Variants in SYT12 observed in about 807,000 individuals in gnomAD.
SYT12 encodes synaptotagmin 12, also known as synaptotagmin-12.
Under a neutral mutation model 39.5 loss-of-function variants are expected in SYT12, and 27 were observed. That is an observed-to-expected ratio of 0.68 (90% CI 0.50 to 0.94). The LOEUF (loss-of-function observed/expected upper bound fraction) is 0.94, where lower values mean the gene tolerates loss of function less well. Ranked by LOEUF, SYT12 falls within the 40% of genes least tolerant of loss-of-function variation. The pLI, the probability that SYT12 is intolerant of heterozygous loss-of-function variation, is 0.00. For synonymous variants in SYT12, 233 were observed against 239.7 expected (o/e 0.97, Z 0.26); for missense variants, 536 against 572.6 (o/e 0.94, Z 0.65).
chr11:67,022,439 C>T (rs1302361880), upstream of SYT12, among the ~76,000 whole-genome samples: 1 of 152,202 alleles, frequency 6.6e-6, no homozygotes, highest in Non-Finnish European at 1.5e-5. Context: ...CACCCAGCCC[C>T]TCCCAGTGCA....
chr11:67,045,539 C>G, intron 6 of SYT12: 1 of 711,532 alleles, frequency 1.4e-6, no homozygotes. Flanking sequence ...GAGCACAAAG[C>G]CCAGCCCTCA....
chr11:67,048,538 C>G, intron 7 of SYT12, 46 bp from the exon 8 acceptor site: 1 of 1,575,320 alleles, frequency 6.3e-7, no homozygotes, highest in Non-Finnish European at 8.7e-7. Context: ...CAAGAAGTAC[C>G]TCTGACTGCC....
intron 3 of SYT12, among the ~76,000 whole-genome samples, chr11:67,017,654 C>T (rs1249084441): frequency 6.6e-6 from 1 of 151,646 alleles, no homozygotes; most frequent in African/African-American, 2.4e-5. Context: ...GCCACCTCGC[C>T]CAGCCACAAC....
intron 3 of SYT12, among the ~76,000 whole-genome samples, chr11:67,035,796 TCCTTCCTTCCTTCCTTCCTTCCTTCC>T (rs1565337229): frequency 1.1e-4 from 5 of 47,540 alleles, no homozygotes; most frequent in African/African-American, 3.9e-4. Flanking sequence ...TTTCTTTCCT[TCCTTCCTTCCTTCCTTCCTTCCTTCC>T]TTCCTTCCTT....
At chr11:67,021,404 G>A (rs1327757880), upstream of SYT12, among the ~76,000 whole-genome samples, 1 of 151,912 alleles carries the variant, frequency 6.6e-6, no homozygotes, top group African/African-American at 2.4e-5. Flanking sequence ...ATGCTCCCAG[G>A]TTCAAGCAAT....
intron 3 of SYT12, among the ~76,000 whole-genome samples, chr11:67,035,264 C>T (rs1233298667): frequency 6.6e-6 from 1 of 151,364 alleles, no homozygotes; most frequent in Non-Finnish European, 1.5e-5. Flanking sequence ...CTGCCTCGAC[C>T]TCCCAAAGTG....
intron 3 of SYT12, among the ~76,000 whole-genome samples, chr11:67,013,257 G>A (rs1055491852): frequency 2.6e-5 from 4 of 152,288 alleles, no homozygotes; most frequent in Admixed American, 2.0e-4. Flanking sequence ...CTCCCTTGAT[G>A]GGGAGCTTGC....
intron 3 of SYT12, among the ~76,000 whole-genome samples, chr11:67,037,550 A>C (rs1425453480): frequency 1.1e-5 from 1 of 91,806 alleles, no homozygotes; most frequent in Non-Finnish European, 2.3e-5. Context: ...ATCTCTACCA[A>C]AATAAATAAA....
intron 3 of SYT12, among the ~76,000 whole-genome samples, chr11:67,015,523 G>A (rs1000466937): frequency 6.6e-6 from 1 of 152,152 alleles, no homozygotes; most frequent in African/African-American, 2.4e-5. Flanking sequence ...GGAAGGGAAA[G>A]GGAAGGGCTT....
intron 7 of SYT12, 118 bp downstream of exon 7, chr11:67,045,995 C>A: frequency 7.4e-7 from 1 of 1,350,986 alleles, no homozygotes; most frequent in African/African-American, 1.5e-5. Context: ...CTCCAGCCAT[C>A]ACTTTCTAGC....
chr11:67,017,346 AC>A (rs199991318), intron 3 of SYT12, among the ~76,000 whole-genome samples: 1 of 147,162 alleles, frequency 6.8e-6, no homozygotes, highest in Non-Finnish European at 1.5e-5. Flanking sequence ...ACATAGGGAG[AC>A]CCCATTTCTA....
intron 1 of SYT12, chr11:67,029,770 T>C (rs112501788): frequency 0.031 from 5,467 of 177,230 alleles, 298 homozygotes; most frequent in African/African-American, 0.12. Context: ...AGGAGATCAC[T>C]TGAACCCAGG....
chr11:67,042,167 G>C (rs551395312), intron 4 of SYT12, among the ~76,000 whole-genome samples: 1 of 152,178 alleles, frequency 6.6e-6, no homozygotes, highest in Non-Finnish European at 1.5e-5. Context: ...GGTTAAGTCA[G>C]TTTAGTACCC....
intron 6 of SYT12, 74 bp downstream of exon 6, chr11:67,044,787 C>T: frequency 2.5e-6 from 4 of 1,585,668 alleles, no homozygotes; most frequent in Non-Finnish European, 2.6e-6. Context: ...GTGCTGTGGG[C>T]ACCCGGAGGC....
At chr11:67,021,792 A>G (rs1452601125), upstream of SYT12, 1 of 152,118 alleles carries the variant, frequency 6.6e-6, no homozygotes, top group African/African-American at 2.4e-5. Flanking sequence ...TAAATGGGAA[A>G]TGGCAGTGAA....
At chr11:67,012,717 C>T (rs143007906) in intron 3 of SYT12, among the ~76,000 whole-genome samples, 517 of 152,304 alleles carry the variant, frequency 3.4e-3, no homozygotes, top group African/African-American at 0.012. Context: ...GGTCTCATTT[C>T]AGCGTCTCAC....
At chr11:67,007,468 T>C (rs1949978904) in intron 1 of SYT12, 1 of 152,262 alleles carries the variant, frequency 6.6e-6, no homozygotes, top group Non-Finnish European at 1.5e-5. Context: ...TTGCTATTTT[T>C]ATCTGCGGAG....
chr11:67,046,288 G>A (rs1190507486), intron 7 of SYT12, among the ~76,000 whole-genome samples: 2 of 152,152 alleles, frequency 1.3e-5, no homozygotes, highest in Admixed American at 6.5e-5. Context: ...AACTCCCCAG[G>A]TTCGCGTGGT....
rs76921259 is a variant in SYT12, at chr11:67,045,294, G to T, written c.959-450G>T. On this transcript the variant is annotated intron_variant, in intron 6 of 7. Coordinates refer to ENST00000527043, the MANE Select transcript of SYT12 (RefSeq NM_177963.4). ...CAAGCCTTGGGGCGGGGGTAGGTGG[G>T]GGGGGCAGCTCCAGGCAGGTGCGGC... Among the ~76,000 whole-genome samples the T allele has an allele frequency of 6.6e-5, 10 of 152,062 alleles. No homozygotes were observed. In the South Asian group the frequency reaches 1.0e-3, roughly 16 times the overall value.
Sources: allele counts gnomAD v4.1 joint callset (sites outside exome capture counted in the v4.1 genomes callset), GRCh38; gene constraint gnomAD v4.1.1; transcripts MANE v1.5; gene names NCBI Gene and HGNC (gene_info 2026-07-23, HGNC 2026-07-21).